FAM168A: variants seen among roughly 807,000 people sequenced by gnomAD.
The protein encoded by FAM168A is protein FAM168A.
A neutral mutation model predicts 28.5 loss-of-function variants in FAM168A; 3 were observed. The ratio of observed to expected loss-of-function variants is 0.11; its 90% CI spans 0.05 to 0.27. The LOEUF is 0.27. Among genes scored for constraint, FAM168A ranks in the 10% least tolerant of loss-of-function variants. The pLI, the probability that FAM168A is intolerant of heterozygous loss-of-function variation, is 1.00. For missense variants in FAM168A, 222 were observed against 311.5 expected, an observed-to-expected ratio of 0.71 and a Z score of 2.16; for synonymous variants, 122 against 124.2, an observed-to-expected ratio of 0.98 and a Z score of 0.12.
intron 2 of FAM168A, among the ~76,000 whole-genome samples, chr11:73,437,345 C>G (rs193082516): frequency 1.6e-4 from 25 of 151,558 alleles, no homozygotes; most frequent in Non-Finnish European, 3.4e-4. Flanking sequence ...ATCCACCCAC[C>G]TCGGCCTCCC....
intron 4 of FAM168A, among the ~76,000 whole-genome samples, chr11:73,414,722 T>C (rs557300003): frequency 6.6e-6 from 1 of 152,372 alleles, no homozygotes; most frequent in East Asian, 1.9e-4. Flanking sequence ...TATTATTTTC[T>C]CTCTCACTTT....
intron 2 of FAM168A, among the ~76,000 whole-genome samples, chr11:73,443,416 A>G (rs1393179442): frequency 6.6e-6 from 1 of 152,216 alleles, no homozygotes; most frequent in Non-Finnish European, 1.5e-5. Flanking sequence ...AGTAACCCTG[A>G]TATTAGGCTG....
chr11:73,510,595 C>G (rs935096089), intron 1 of FAM168A: 2 of 259,190 alleles, frequency 7.7e-6, no homozygotes, highest in Non-Finnish European at 1.5e-5. Context: ...GCTGTCTCAG[C>G]TTTGATATTC....
intron 1 of FAM168A, among the ~76,000 whole-genome samples, chr11:73,574,705 C>A (rs1427052510): frequency 6.7e-6 from 1 of 149,406 alleles, no homozygotes; most frequent in African/African-American, 2.5e-5. Flanking sequence ...TGGGATGTGC[C>A]ACTACACCTG....
intron 1 of FAM168A, among the ~76,000 whole-genome samples, chr11:73,541,357 C>A (rs1279844998): frequency 6.6e-6 from 1 of 151,584 alleles, no homozygotes; most frequent in African/African-American, 2.4e-5. Context: ...TAACTTTAGA[C>A]AAGTGCCTAA....
At chr11:73,424,950 G>A (rs958578986) in intron 3 of FAM168A, 1 of 1,281,046 alleles carries the variant, frequency 7.8e-7, no homozygotes, top group East Asian at 2.6e-5. Context: ...GGAGAGGAGA[G>A]GGGATCTACC....
chr11:73,505,729 C>T (rs1303815775), intron 1 of FAM168A, among the ~76,000 whole-genome samples: 1 of 152,074 alleles, frequency 6.6e-6, no homozygotes, highest in African/African-American at 2.4e-5. Context: ...GAACGTAACC[C>T]CTTTGTGAAG....
At chr11:73,416,426 A>G (rs73542976) in intron 4 of FAM168A, among the ~76,000 whole-genome samples, 12,401 of 152,258 alleles carry the variant, frequency 0.081, 646 homozygotes, top group Non-Finnish European at 0.11. Context: ...ATAAAGCTCT[A>G]TGTCTGAATC....
At chr11:73,551,097 C>A (rs1422005139) in intron 1 of FAM168A, among the ~76,000 whole-genome samples, 5 of 142,344 alleles carry the variant, frequency 3.5e-5, no homozygotes, top group South Asian at 2.2e-4. Context: ...GGTGACAGAG[C>A]GAGACTCTGT....
At chr11:73,503,824 G>C (rs192100271) in intron 1 of FAM168A, among the ~76,000 whole-genome samples, 3 of 152,238 alleles carry the variant, frequency 2.0e-5, no homozygotes, top group Non-Finnish European at 4.4e-5. Context: ...CAATGGAGCA[G>C]AACAGAGACC....
At position 73,526,868 on chromosome 11, in the gene FAM168A, C is replaced by CAAA. The variant is rs61073226; in HGVS notation, c.-18-58379_-18-58377dup. Among the ~76,000 whole-genome samples, 236 of 51,818 alleles carry CAAA rather than the reference C, an allele frequency of 4.6e-3. 9 individuals carry two copies. The highest frequency in any genetic ancestry group is 8.6e-3 in the South Asian group (7 of 810). 34.0% of individuals were successfully genotyped at this position (51,818 alleles called of 152,430 possible). ...CTAGCGACAGAGCAAGACTCCATCT[C>CAAA]AAAAAAAAAAAAAAAAAAAAAAAAA... is the stretch of plus-strand genomic sequence containing the variant. On this transcript the variant is annotated intron_variant, in intron 1 of 7. Coordinates refer to ENST00000356467, the MANE Select transcript of FAM168A (RefSeq NM_015159.3).
chr11:73,597,224 A>G lies in FAM168A; in HGVS notation c.-19+699T>C, dbSNP rs527497776. ...ACCAACTCCTATTCCAACCTCCATCAGCCCACCCCAGGAAACCCCCAAATT... is the reference window on the plus strand; with the variant it reads ...ACCAACTCCTATTCCAACCTCCATCGGCCCACCCCAGGAAACCCCCAAATT... On this transcript the variant is annotated intron_variant, in intron 1 of 7. Transcript: ENST00000356467. Among the ~76,000 whole-genome samples the G allele has an allele frequency of 2.0e-5, 3 of 151,898 alleles. No individual in the cohort carries two copies. In the South Asian group the frequency reaches 6.3e-4, roughly 32 times the overall value.
intron 1 of FAM168A, among the ~76,000 whole-genome samples, chr11:73,527,796 A>G (rs1943466617): frequency 6.6e-6 from 1 of 152,124 alleles, no homozygotes; most frequent in African/African-American, 2.4e-5. Flanking sequence ...AAAAGACTTC[A>G]ACTTATATAG....
At chr11:73,498,409 C>T (rs186815754) in intron 1 of FAM168A, among the ~76,000 whole-genome samples, 98 of 152,280 alleles carry the variant, frequency 6.4e-4, no homozygotes, top group Admixed American at 4.9e-3. Context: ...TTGCAACCCA[C>T]GGATCAGAAG....
At chr11:73,469,431 G>T (rs1272608346) in intron 1 of FAM168A, among the ~76,000 whole-genome samples, 1 of 152,166 alleles carries the variant, frequency 6.6e-6, no homozygotes, top group African/African-American at 2.4e-5. Flanking sequence ...AACTTCTCTT[G>T]TATCACTTCA....
intron 1 of FAM168A, among the ~76,000 whole-genome samples, chr11:73,541,456 T>A (rs1943656176): frequency 6.6e-6 from 1 of 150,582 alleles, no homozygotes; most frequent in South Asian, 2.1e-4. Flanking sequence ...CACTGCAAGC[T>A]CCTCCTCCCG....
intron 1 of FAM168A, among the ~76,000 whole-genome samples, chr11:73,505,388 A>G (rs1855097152): frequency 6.6e-6 from 1 of 152,190 alleles, no homozygotes; most frequent in Non-Finnish European, 1.5e-5. Context: ...TAATAATAGT[A>G]CTATCTAACA....
chr11:73,475,688 A>G (rs988312078), intron 1 of FAM168A, among the ~76,000 whole-genome samples: 16 of 152,158 alleles, frequency 1.1e-4, no homozygotes, highest in African/African-American at 3.4e-4. Context: ...TATTCAAGAA[A>G]AACTTCTGAA....
intron 2 of FAM168A, among the ~76,000 whole-genome samples, chr11:73,431,284 G>A (rs556700301): frequency 6.6e-6 from 1 of 152,316 alleles, no homozygotes; most frequent in African/African-American, 2.4e-5. Flanking sequence ...AGAGGTTGCA[G>A]TGAGCTGAGA....
Sources: allele counts gnomAD v4.1 joint callset (sites outside exome capture counted in the v4.1 genomes callset), GRCh38; gene constraint gnomAD v4.1.1; transcripts MANE v1.5; gene names NCBI Gene and HGNC (gene_info 2026-07-23, HGNC 2026-07-21).